The following CDH12 variants were observed in gnomAD, a reference collection of about 807,000 sequenced individuals.
CDH12 encodes cadherin 12, also known as cadherin-12.
CDH12 carries 41 observed loss-of-function variants against 74.1 expected under a neutral mutation model. That is an observed-to-expected ratio of 0.55 (90% CI 0.43 to 0.72). CDH12 has a LOEUF of 0.72. Ranked by LOEUF, CDH12 falls within the 30% of genes least tolerant of loss-of-function variation. CDH12 has a pLI of 0.00. For missense variants in CDH12, 945 were observed against 977.2 expected (o/e 0.97, Z 0.44); for synonymous variants, 399 against 355.0 (o/e 1.12, Z -1.39).
Position 21,751,820 on chromosome 5 carries a change from G to A in CDH12, c.2302C>T (p.Leu768=). ...TTEADQDYDY[L]TDWGPRFKVL... ...TTAAAGCGGGGTCCCCAGTCTGTCA[G>A]ATAGTCATAGTCCTGGTCGGCTTCT... is the stretch of plus-strand genomic sequence containing the variant. Residue 768 remains leucine, a synonymous_variant, in exon 15 of 15, where the codon CTG becomes TTG. Transcript: ENST00000382254. 1 of 1,614,094 alleles carries A rather than the reference G, an allele frequency of 6.2e-7. No homozygotes were observed. The highest frequency in any genetic ancestry group is 8.5e-7 in the Non-Finnish European group (1 of 1,179,990).
chr5:22,693,606 T>G (rs918363046), intron 1 of CDH12, among the ~76,000 whole-genome samples: 1 of 152,192 alleles, frequency 6.6e-6, no homozygotes, highest in Non-Finnish European at 1.5e-5. Flanking sequence ...ATAAACCCAG[T>G]ATCCAGCTTG....
At chr5:21,946,530 AAG>A (rs1247181806) in intron 6 of CDH12, among the ~76,000 whole-genome samples, 16 of 152,178 alleles carry the variant, frequency 1.1e-4, no homozygotes, top group Admixed American at 1.0e-3. Context: ...ACTTCACTCA[AAG>A]AGGTAAAACA....
chr5:22,549,184 G>A (rs539650998), intron 1 of CDH12, among the ~76,000 whole-genome samples: 16 of 151,638 alleles, frequency 1.1e-4, no homozygotes, highest in African/African-American at 3.4e-4. Context: ...TGTTGGCCAG[G>A]CTGGCCTGGA....
chr5:22,168,823 TGC>T (rs202041086), intron 4 of CDH12, among the ~76,000 whole-genome samples: 19,117 of 147,532 alleles, frequency 0.13, 1,345 homozygotes, highest in South Asian at 0.16. Context: ...GTAAGTAATG[TGC>T]GCATGGGGCA....
chr5:22,284,482 G>T (rs1737049964), intron 3 of CDH12, among the ~76,000 whole-genome samples: 1 of 152,094 alleles, frequency 6.6e-6, no homozygotes, highest in African/African-American at 2.4e-5. Context: ...ACTGGTGCAA[G>T]GGTACCAGTT....
intron 6 of CDH12, among the ~76,000 whole-genome samples, chr5:21,955,389 A>C (rs1319905157): frequency 6.6e-6 from 1 of 151,952 alleles, no homozygotes; most frequent in Admixed American, 6.6e-5. Flanking sequence ...TAGGTATTTC[A>C]TTTTCTAGTT....
At chr5:21,979,827 G>T (rs1166397216) in intron 5 of CDH12, among the ~76,000 whole-genome samples, 1 of 151,732 alleles carries the variant, frequency 6.6e-6, no homozygotes, top group Non-Finnish European at 1.5e-5. Flanking sequence ...AAAAAAAATG[G>T]TATTTCTAGT....
intron 2 of CDH12, among the ~76,000 whole-genome samples, chr5:22,447,642 G>C (rs1387064688): frequency 6.6e-6 from 1 of 151,772 alleles, no homozygotes; most frequent in Non-Finnish European, 1.5e-5. Context: ...TTTAAATTTG[G>C]CTTCATTAAT....
intron 3 of CDH12, among the ~76,000 whole-genome samples, chr5:22,389,808 C>T (rs990312630): frequency 1.1e-4 from 16 of 151,766 alleles, no homozygotes; most frequent in Admixed American, 3.9e-4. Context: ...CCACCACGCC[C>T]GGCTAATTTT....
intron 6 of CDH12, among the ~76,000 whole-genome samples, chr5:21,917,078 G>A (rs1754131331): frequency 6.6e-6 from 1 of 152,060 alleles, no homozygotes; most frequent in African/African-American, 2.4e-5. Context: ...CCCCTTTTCT[G>A]GTCCTCTCAC....
chr5:22,448,535 T>C (rs1052746584), intron 2 of CDH12, among the ~76,000 whole-genome samples: 2 of 152,062 alleles, frequency 1.3e-5, no homozygotes, highest in African/African-American at 4.8e-5. Context: ...ATTTAAATAA[T>C]TCAGAAAAAT....
chr5:22,783,192 A>C (rs1747467740), intron 1 of CDH12, among the ~76,000 whole-genome samples: 1 of 152,164 alleles, frequency 6.6e-6, no homozygotes, highest in Non-Finnish European at 1.5e-5. Flanking sequence ...TAATGTTGTA[A>C]CATATTTATA....
intron 5 of CDH12, among the ~76,000 whole-genome samples, chr5:22,049,487 T>C (rs1370292549): frequency 6.6e-6 from 1 of 152,130 alleles, no homozygotes; most frequent in Non-Finnish European, 1.5e-5. Context: ...TCCTTTTTCC[T>C]TGCCTAAGTT....
rs192325620 is a variant in CDH12 at position 22,432,587 on chromosome 5, T to G, written c.-427-27236A>C. Reference sequence around the variant, plus strand: ...CGTGTGTGTGTGTGTGTATAAAATCTTCTATTCAAAGAAGTCGTGATTGAC... The same window carrying G: ...CGTGTGTGTGTGTGTGTATAAAATCGTCTATTCAAAGAAGTCGTGATTGAC... On this transcript the variant is annotated intron_variant, in intron 2 of 14. Transcript: ENST00000382254. 3.1e-4 allele frequency among the ~76,000 whole-genome samples: 47 copies of G among 151,952 alleles called. 1 individual carries two copies. Among genetic ancestry groups the G allele is most frequent in the Admixed American group, 3.0e-3 (46 of 15,250 alleles).
intron 1 of CDH12, among the ~76,000 whole-genome samples, chr5:22,781,291 T>C (rs1747371551): frequency 6.6e-6 from 1 of 152,184 alleles, no homozygotes; most frequent in African/African-American, 2.4e-5. Flanking sequence ...ATCCCAAAGA[T>C]TAAATATTTT....
intron 8 of CDH12, among the ~76,000 whole-genome samples, chr5:21,839,852 A>C (rs1478019265): frequency 2.0e-5 from 3 of 152,176 alleles, no homozygotes; most frequent in African/African-American, 7.2e-5. Flanking sequence ...TCCTGGGGAC[A>C]CTGAAATGAT....
At chr5:21,865,988 G>A (rs1159574999) in intron 6 of CDH12, among the ~76,000 whole-genome samples, 1 of 152,180 alleles carries the variant, frequency 6.6e-6, no homozygotes, top group Non-Finnish European at 1.5e-5. Context: ...TCACCATACT[G>A]TTCTCATGGT....
chr5:22,679,113 C>T (rs1741361031), intron 1 of CDH12, among the ~76,000 whole-genome samples: 1 of 152,008 alleles, frequency 6.6e-6, no homozygotes, highest in Non-Finnish European at 1.5e-5. Context: ...AAACATACGC[C>T]TCTAGGCATA....
intron 2 of CDH12, among the ~76,000 whole-genome samples, chr5:22,491,418 A>G (rs1339771664): frequency 6.6e-6 from 1 of 152,146 alleles, no homozygotes; most frequent in Non-Finnish European, 1.5e-5. Context: ...ATTCCATTTA[A>G]GTAGACAAAT....
Sources: gnomAD v4.1 joint callset for allele counts (sites outside exome capture counted in the v4.1 genomes callset) on GRCh38, gnomAD v4.1.1 for gene constraint, MANE v1.5 for transcripts, NCBI Gene and HGNC (gene_info 2026-07-23, HGNC 2026-07-21) for gene names.